Variants in SFMBT2 observed in about 807,000 individuals in gnomAD.
SFMBT2 encodes the protein scm-like with four MBT domains protein 2.
A neutral mutation model predicts 110.1 loss-of-function variants in SFMBT2; 38 were observed. The ratio of observed to expected loss-of-function variants is 0.35; its 90% CI spans 0.27 to 0.45. The LOEUF is 0.45. SFMBT2 is among the 20% of genes least tolerant of loss of function. SFMBT2 has a pLI of 1.00. For synonymous variants in SFMBT2, 425 were observed against 425.4 expected, an observed-to-expected ratio of 1.00 and a Z score of 0.01; for missense variants, 1,011 against 1,094.9, an observed-to-expected ratio of 0.92 and a Z score of 1.08.
intron 2 of SFMBT2, among the ~76,000 whole-genome samples, chr10:7,373,265 C>A (rs1006211967): frequency 1.3e-5 from 2 of 152,196 alleles, no homozygotes; most frequent in African/African-American, 4.8e-5. Flanking sequence ...CACACCTGCT[C>A]CCCTTCCTCT....
At chr10:7,227,128 T>C (rs1340173220) in intron 10 of SFMBT2, among the ~76,000 whole-genome samples, 1 of 152,156 alleles carries the variant, frequency 6.6e-6, no homozygotes, top group Non-Finnish European at 1.5e-5. Flanking sequence ...ATGAAGCAGG[T>C]AGTAGCTTAA....
intron 7 of SFMBT2, among the ~76,000 whole-genome samples, chr10:7,269,645 A>G (rs1300287891): frequency 6.6e-6 from 1 of 152,000 alleles, no homozygotes; most frequent in Non-Finnish European, 1.5e-5. Context: ...GAAACTAGAA[A>G]AAAGTCTGCC....
At chr10:7,268,409 G>A (rs766840114) in intron 7 of SFMBT2, among the ~76,000 whole-genome samples, 2 of 152,138 alleles carry the variant, frequency 1.3e-5, no homozygotes, top group African/African-American at 4.8e-5. Flanking sequence ...AAACTGGGGC[G>A]TTTTGCTTGA....
At chr10:7,295,003 A>G (rs1228025536) in intron 4 of SFMBT2, 1 of 152,196 alleles carries the variant, frequency 6.6e-6, no homozygotes, top group African/African-American at 2.4e-5. Context: ...ATTTATCAAG[A>G]GAAACTATTT....
At chr10:7,246,755 G>A (rs1036879017) in intron 8 of SFMBT2, among the ~76,000 whole-genome samples, 5 of 144,476 alleles carry the variant, frequency 3.5e-5, no homozygotes, top group African/African-American at 1.0e-4. Flanking sequence ...GGTGAGAGAC[G>A]CTACCGCTGA....
At chr10:7,315,092 G>GAAAGAAAGAAAGAA (rs1564435562) in intron 4 of SFMBT2, among the ~76,000 whole-genome samples, 22 of 145,236 alleles carry the variant, frequency 1.5e-4, no homozygotes, top group African/African-American at 5.6e-4. Context: ...AAGAAAGAAA[G>GAAAGAAAGAAAGAA]AAAGAAAGAA....
At chr10:7,199,340 G>A (rs571577576) in intron 14 of SFMBT2, among the ~76,000 whole-genome samples, 3 of 152,128 alleles carry the variant, frequency 2.0e-5, no homozygotes, top group South Asian at 2.1e-4. Context: ...GGGAGTCACC[G>A]CCCCCACCCT....
chr10:7,226,048 G>A (rs1445151551), intron 10 of SFMBT2, among the ~76,000 whole-genome samples: 2 of 152,170 alleles, frequency 1.3e-5, no homozygotes, highest in Non-Finnish European at 2.9e-5. Flanking sequence ...CACACCACTC[G>A]GTTCTTCAAG....
intron 5 of SFMBT2, chr10:7,285,200 T>G (rs1842051923): frequency 6.6e-6 from 1 of 152,238 alleles, no homozygotes; most frequent in African/African-American, 2.4e-5. Context: ...CACAGTGCCT[T>G]TCTCTTCCTG....
chr10:7,239,903 G>T (rs1840380495), intron 9 of SFMBT2, among the ~76,000 whole-genome samples: 1 of 146,156 alleles, frequency 6.8e-6, no homozygotes, highest in African/African-American at 2.5e-5. Context: ...CGACACCCCT[G>T]CACCCCTGCA....
At chr10:7,221,316 C>T (rs1359651724) in intron 10 of SFMBT2, among the ~76,000 whole-genome samples, 1 of 151,834 alleles carries the variant, frequency 6.6e-6, no homozygotes, top group Non-Finnish European at 1.5e-5. Flanking sequence ...CCTGTAATCC[C>T]AGCACTTTAG....
At chr10:7,196,460 G>A (rs914859024) in intron 15 of SFMBT2, among the ~76,000 whole-genome samples, 3 of 152,104 alleles carry the variant, frequency 2.0e-5, no homozygotes, top group African/African-American at 7.2e-5. Context: ...AATGTCACTT[G>A]CCATATATTT....
In SFMBT2 at chr10:7,293,023, A is replaced by C. The variant is rs952944017; in HGVS notation, c.437-7069T>G. Among the ~76,000 whole-genome samples, 8 of 152,196 alleles carry C rather than the reference A, an allele frequency of 5.3e-5. No individual in the cohort carries two copies. Among genetic ancestry groups the C allele is most frequent in the Non-Finnish European group, 7.4e-5 (5 of 68,024 alleles). ...ATAGGATTTAACAAAGACATTATCT[A>C]AGAATTGTTGGAAGCAAATGACACA... is the stretch of plus-strand genomic sequence containing the variant. On this transcript the variant is annotated intron_variant, in intron 4 of 20. Transcript: ENST00000397167. The surrounding 1 kb of genome is among the most constrained non-coding windows in gnomAD (Gnocchi z 4.6).
intron 11 of SFMBT2, among the ~76,000 whole-genome samples, chr10:7,212,618 T>C (rs115481225): frequency 2.6e-5 from 4 of 152,356 alleles, no homozygotes; most frequent in Non-Finnish European, 1.5e-5. Context: ...ACATGACTCT[T>C]ACACTCTATC....
At chr10:7,246,700 C>T (rs909596797) in intron 8 of SFMBT2, among the ~76,000 whole-genome samples, 4 of 108,648 alleles carry the variant, frequency 3.7e-5, no homozygotes, top group Middle Eastern at 9.3e-3. Flanking sequence ...GCCTGGGTGA[C>T]GGAGCAAGAC....
chr10:7,199,709 A>C (rs1157693824), intron 14 of SFMBT2, among the ~76,000 whole-genome samples: 1 of 152,226 alleles, frequency 6.6e-6, no homozygotes, highest in African/African-American at 2.4e-5. Context: ...ACAAAATTTT[A>C]GTTAAAGCTA....
intron 1 of SFMBT2, among the ~76,000 whole-genome samples, chr10:7,389,278 C>T (rs1309843906): frequency 6.6e-6 from 1 of 152,020 alleles, no homozygotes; most frequent in Admixed American, 6.6e-5. Flanking sequence ...ACAACTGCTC[C>T]ACCCATAAGC....
intron 11 of SFMBT2, among the ~76,000 whole-genome samples, chr10:7,208,308 C>A (rs35928944): frequency 0.2 from 30,223 of 152,106 alleles, 3,439 homozygotes; most frequent in African/African-American, 0.3. Flanking sequence ...CTTAGCTACT[C>A]AAACATTTTG....
At chr10:7,312,856 C>T (rs1483814502) in intron 4 of SFMBT2, among the ~76,000 whole-genome samples, 1 of 152,132 alleles carries the variant, frequency 6.6e-6, no homozygotes, top group Non-Finnish European at 1.5e-5. Flanking sequence ...GACAATATAA[C>T]CTAATTCCAG....
Sources: allele counts gnomAD v4.1 joint callset (sites outside exome capture counted in the v4.1 genomes callset), GRCh38; gene constraint gnomAD v4.1.1; non-coding constraint Gnocchi (gnomAD v3.1); transcripts MANE v1.5; gene names NCBI Gene and HGNC (gene_info 2026-07-23, HGNC 2026-07-21).